Variants in SLIT3 observed in about 807,000 individuals in gnomAD.
The protein encoded by SLIT3 is slit homolog 3 protein.
In SLIT3, 68 loss-of-function variants were observed where a neutral mutation model predicts 184.0. The ratio of observed to expected loss-of-function variants is 0.37; its 90% confidence interval spans 0.30 to 0.45. SLIT3 has a LOEUF of 0.45. Among genes scored for constraint, SLIT3 ranks in the 20% least tolerant of loss-of-function variants. The pLI, the probability that SLIT3 is intolerant of heterozygous loss-of-function variation, is 1.00. For synonymous variants in SLIT3, 831 were observed against 828.6 expected, an observed-to-expected ratio of 1.00 and a Z score of -0.05; for missense variants, 1,707 against 2,026.0, an observed-to-expected ratio of 0.84 and a Z score of 3.02.
chr5:169,045,189 C>A (rs941861818), intron 4 of SLIT3, among the ~76,000 whole-genome samples: 2 of 152,126 alleles, frequency 1.3e-5, no homozygotes, highest in African/African-American at 2.4e-5. Context: ...CTATGTGAAG[C>A]AGACCTTAAT....
intron 3 of SLIT3, among the ~76,000 whole-genome samples, chr5:169,236,481 T>G (rs1023414498): frequency 4.8e-5 from 4 of 84,044 alleles, no homozygotes; most frequent in Non-Finnish European, 1.0e-4. Flanking sequence ...TTGTTTTGTT[T>G]TTTTTTTTTT....
At chr5:169,112,043 G>A (rs1164523570) in intron 4 of SLIT3, among the ~76,000 whole-genome samples, 1 of 152,244 alleles carries the variant, frequency 6.6e-6, no homozygotes, top group Admixed American at 6.5e-5. Flanking sequence ...GAGTTTGAAA[G>A]ATGGTTTCAA....
At chr5:169,093,291 T>C (rs910276322) in intron 4 of SLIT3, among the ~76,000 whole-genome samples, 13 of 152,134 alleles carry the variant, frequency 8.5e-5, no homozygotes, top group African/African-American at 2.9e-4. Flanking sequence ...ACCAGTTTAG[T>C]GATTATTGTA....
At chr5:168,668,875 T>G (rs1347275103) in intron 35 of SLIT3, among the ~76,000 whole-genome samples, 1 of 152,248 alleles carries the variant, frequency 6.6e-6, no homozygotes, top group Non-Finnish European at 1.5e-5. Context: ...GTTCAAATGA[T>G]TCTCTTGCCT....
chr5:168,817,616 A>C (rs976038692), intron 7 of SLIT3, among the ~76,000 whole-genome samples, 153 bp from the exon 8 acceptor site: 3 of 152,178 alleles, frequency 2.0e-5, no homozygotes, highest in Non-Finnish European at 4.4e-5. Context: ...GCACTACCAA[A>C]AACATGGGAG....
At chr5:169,048,627 T>G (rs889069734) in intron 4 of SLIT3, among the ~76,000 whole-genome samples, 1 of 152,202 alleles carries the variant, frequency 6.6e-6, no homozygotes, top group African/African-American at 2.4e-5. Flanking sequence ...GTACTCAAAA[T>G]AGCTTGTCCT....
intron 4 of SLIT3, among the ~76,000 whole-genome samples, chr5:169,077,534 G>A (rs1758793001): frequency 2.0e-5 from 3 of 151,170 alleles, no homozygotes; most frequent in East Asian, 1.9e-4. Context: ...GTGAGACCCC[G>A]TCTCAAAAAA....
At chr5:168,844,139 A>T (rs1758367492) in intron 6 of SLIT3, among the ~76,000 whole-genome samples, 1 of 152,006 alleles carries the variant, frequency 6.6e-6, no homozygotes, top group African/African-American at 2.4e-5. Context: ...TGATTCAGGT[A>T]ATTCCAGCTG....
At chr5:169,018,039 C>G (rs894053376) in intron 4 of SLIT3, 3 of 152,262 alleles carry the variant, frequency 2.0e-5, no homozygotes, top group Admixed American at 6.5e-5. Context: ...ACCCACCCCC[C>G]AGAAGCCTGC....
At chr5:169,281,467 T>C (rs888732109) in intron 1 of SLIT3, among the ~76,000 whole-genome samples, 1 of 152,180 alleles carries the variant, frequency 6.6e-6, no homozygotes, top group South Asian at 2.1e-4. Flanking sequence ...AGAGCAAGAA[T>C]CTGTCTCAAC....
At chr5:168,857,751 C>G (rs143369151) in intron 5 of SLIT3, among the ~76,000 whole-genome samples, 1 of 152,094 alleles carries the variant, frequency 6.6e-6, no homozygotes, top group Non-Finnish European at 1.5e-5. Context: ...TCCAGGGGGT[C>G]GGAGGGCTGA....
intron 5 of SLIT3, among the ~76,000 whole-genome samples, chr5:168,881,467 T>C (rs891699191): frequency 2.0e-5 from 3 of 152,218 alleles, no homozygotes; most frequent in Non-Finnish European, 4.4e-5. Context: ...GGTTAATGGA[T>C]CCATTTAAAA....
intron 4 of SLIT3, among the ~76,000 whole-genome samples, chr5:169,151,874 C>T (rs1762128134): frequency 6.6e-6 from 1 of 152,188 alleles, no homozygotes; most frequent in Non-Finnish European, 1.5e-5. Flanking sequence ...CCTGCCCCTG[C>T]CTCTTACAAG....
At chr5:169,205,562 T>C (rs1363421583) in intron 3 of SLIT3, among the ~76,000 whole-genome samples, 1 of 152,226 alleles carries the variant, frequency 6.6e-6, no homozygotes, top group African/African-American at 2.4e-5. Context: ...GCTCAATAAA[T>C]ACTTGTTGGT....
chr5:168,820,436 G>T (rs1230222843), intron 7 of SLIT3, among the ~76,000 whole-genome samples: 1 of 152,202 alleles, frequency 6.6e-6, no homozygotes, highest in Non-Finnish European at 1.5e-5. Context: ...GTCAAATGGG[G>T]ATATTAGTGA....
chr5:168,994,689 A>G (rs1178454432), intron 4 of SLIT3, among the ~76,000 whole-genome samples: 33 of 110,766 alleles, frequency 3.0e-4, no homozygotes, highest in African/African-American at 1.2e-3. Context: ...TCTGTCACCC[A>G]GGCTGGAGTG....
At chr5:168,815,493 C>T (rs751781457) in intron 8 of SLIT3, among the ~76,000 whole-genome samples, 2 of 152,046 alleles carry the variant, frequency 1.3e-5, no homozygotes, top group Non-Finnish European at 1.5e-5. Context: ...TCACTTATGC[C>T]GATATTGTAC....
At chr5:168,837,575 C>T (rs372337869) in intron 6 of SLIT3, among the ~76,000 whole-genome samples, 2 of 151,170 alleles carry the variant, frequency 1.3e-5, no homozygotes, top group Non-Finnish European at 3.0e-5. Flanking sequence ...TCTTCAGAGA[C>T]AAGCCATAAC....
At chr5:169,088,370 C>T (rs1759404726) in intron 4 of SLIT3, among the ~76,000 whole-genome samples, 1 of 151,792 alleles carries the variant, frequency 6.6e-6, no homozygotes, top group Admixed American at 6.6e-5. Flanking sequence ...CTGCCTCCTA[C>T]TCCCCTGTCA....
Sources: allele counts gnomAD v4.1 joint callset (sites outside exome capture counted in the v4.1 genomes callset), GRCh38; gene constraint gnomAD v4.1.1; transcripts MANE v1.5; gene names NCBI Gene and HGNC (gene_info 2026-07-23, HGNC 2026-07-21).